SEC14L5: variants seen among roughly 807,000 people sequenced by gnomAD.
SEC14L5 encodes SEC14 like lipid binding 5.
Under a neutral mutation model 84.6 loss-of-function variants are expected in SEC14L5, and 96 were observed. The observed-to-expected ratio is 1.13, with a 90% confidence interval of 0.96 to 1.34. The LOEUF is 1.34. Ranked by LOEUF, SEC14L5 falls within the 40% of genes most tolerant of loss-of-function variation. The pLI, the probability that SEC14L5 is intolerant of heterozygous loss-of-function variation, is 0.00. For missense variants in SEC14L5, 1,224 were observed against 942.5 expected (o/e 1.30, Z -3.91); for synonymous variants, 546 against 383.4 (o/e 1.42, Z -4.95).
At chr16:5,001,183 G>A (rs1302859610) in intron 10 of SEC14L5, among the ~76,000 whole-genome samples, 2 of 152,128 alleles carry the variant, frequency 1.3e-5, no homozygotes, top group East Asian at 3.9e-4. Flanking sequence ...TTGAACCTGG[G>A]GTCCTGTCTG....
chr16:5,012,420 A>G (rs1000111049), intron 15 of SEC14L5, among the ~76,000 whole-genome samples: 3 of 152,158 alleles, frequency 2.0e-5, no homozygotes, highest in Non-Finnish European at 2.9e-5. Context: ...GCCTCATGAG[A>G]AAATCAGTTC....
chr16:5,006,153 G>C, intron 12 of SEC14L5, 105 bp downstream of exon 12: 1 of 1,129,092 alleles, frequency 8.9e-7, no homozygotes, highest in East Asian at 2.4e-5. Context: ...GGGGGGCTGG[G>C]TGCGGCATGT....
intron 5 of SEC14L5, 57 bp from the exon 6 acceptor site, chr16:4,991,781 G>A: frequency 2.3e-6 from 3 of 1,284,140 alleles, no homozygotes; most frequent in Non-Finnish European, 2.1e-6. Context: ...TGGTGATCCT[G>A]TGACCCCCCT....
intron 11 of SEC14L5, among the ~76,000 whole-genome samples, chr16:5,005,030 G>T (rs1287905680): frequency 6.6e-6 from 1 of 152,210 alleles, no homozygotes; most frequent in African/African-American, 2.4e-5. Flanking sequence ...GCAGAATAGG[G>T]CTGGGCGAGG....
intron 12 of SEC14L5, among the ~76,000 whole-genome samples, chr16:5,007,033 C>G (rs572919955): frequency 1.3e-5 from 2 of 152,170 alleles, no homozygotes; most frequent in South Asian, 4.1e-4. Flanking sequence ...CAGTCCGGCA[C>G]CGGGGTAAAG....
At chr16:5,012,975 C>T (rs1596648344) in intron 15 of SEC14L5, among the ~76,000 whole-genome samples, 1 of 151,636 alleles carries the variant, frequency 6.6e-6, no homozygotes, top group Non-Finnish European at 1.5e-5. Flanking sequence ...CACGGTTCTG[C>T]ATGACTGGGG....
At chr16:4,959,240 A>G in intron 1 of SEC14L5, 33 bp from the exon 2 acceptor site, 1 of 1,052,100 alleles carries the variant, frequency 9.5e-7, no homozygotes, top group South Asian at 1.3e-5. Flanking sequence ...CCGAGGTGGG[A>G]GCTGCAACCT....
At chr16:4,970,155 A>G (rs1469487634) in intron 2 of SEC14L5, among the ~76,000 whole-genome samples, 1 of 152,000 alleles carries the variant, frequency 6.6e-6, no homozygotes, top group Non-Finnish European at 1.5e-5. Context: ...TCGAGCCCTC[A>G]GCATAGTCTA....
chr16:4,964,875 T>C (rs1003710854), intron 2 of SEC14L5, among the ~76,000 whole-genome samples: 11 of 151,816 alleles, frequency 7.2e-5, no homozygotes, highest in Non-Finnish European at 1.5e-4. Flanking sequence ...GGATTACAGA[T>C]GGGCACCACC....
intron 2 of SEC14L5, among the ~76,000 whole-genome samples, chr16:4,963,346 A>T (rs1955152493): frequency 6.6e-6 from 1 of 151,904 alleles, no homozygotes; most frequent in African/African-American, 2.4e-5. Context: ...CCTCCTCCCA[A>T]CTATTTTTTT....
intron 11 of SEC14L5, among the ~76,000 whole-genome samples, chr16:5,004,679 C>G (rs749406762): frequency 6.6e-6 from 1 of 152,044 alleles, no homozygotes; most frequent in Non-Finnish European, 1.5e-5. Context: ...GGGCCCTGCA[C>G]GGGGGGATTG....
At chr16:5,004,798 C>G (rs868449554) in intron 11 of SEC14L5, among the ~76,000 whole-genome samples, 2 of 152,240 alleles carry the variant, frequency 1.3e-5, no homozygotes, top group Middle Eastern at 3.2e-3. Context: ...TTCCTTCCTT[C>G]TTTATCAACA....
At chr16:4,977,891 C>G (rs1345211969) in intron 2 of SEC14L5, among the ~76,000 whole-genome samples, 1 of 151,424 alleles carries the variant, frequency 6.6e-6, no homozygotes, top group Non-Finnish European at 1.5e-5. Context: ...ACCTCCTCCT[C>G]TCAGGTTCAA....
intron 15 of SEC14L5, among the ~76,000 whole-genome samples, chr16:5,012,314 A>T (rs1478504836): frequency 6.6e-6 from 1 of 152,080 alleles, no homozygotes; most frequent in Non-Finnish European, 1.5e-5. Context: ...GAGGCCGGGC[A>T]TGTGGAGGCC....
In SEC14L5 at chr16:5,006,035, G is replaced by T. The variant is rs751059395; in HGVS notation, c.1424G>T (p.Gly475Val). The T allele has an allele frequency of 1.2e-6, 2 of 1,613,716 alleles. No homozygotes were observed. The highest frequency in any genetic ancestry group is 1.1e-5 in the South Asian group (1 of 91,064). ...LDREVIPDFL[G>V]GESVCNVPEG... ...AGAGAAGTGATCCCTGACTTCCTTG[G>T]GGGAGAGAGTGTGGTGAGGCTTCCA... Residue 475 changes from glycine to valine, a missense_variant, in exon 12 of 16, where the codon GGG becomes GTG. Gly to Val is a moderately radical substitution (Grantham distance 109). Coordinates refer to ENST00000251170, the MANE Select transcript of SEC14L5 (RefSeq NM_014692.2).
Position 5,008,543 on chromosome 16 carries a change from G to GGGGACCA in SEC14L5, c.1699_1705dup (p.Ala569AspfsTer86), listed in dbSNP as rs1955760804. 6.2e-7 allele frequency: 1 copy of GGGGACCA among 1,609,182 alleles called. No homozygotes were observed. ...CGCCCAGGCTGGGCGCCCGGGAACC[G>GGGGACCA]GGGACCAGGGCCAGCGGGCAGCTGA... On this transcript the variant is annotated frameshift_variant, in exon 14 of 16. Transcript: ENST00000251170. LOFTEE classifies it high-confidence loss of function.
chr16:4,981,254 GGTTTTT>G (rs1955420273), intron 2 of SEC14L5, among the ~76,000 whole-genome samples: 2 of 110,558 alleles, frequency 1.8e-5, no homozygotes, highest in Non-Finnish European at 3.6e-5. Context: ...CTAGCTAATT[GGTTTTT>G]TTTTTTTTTT....
intron 15 of SEC14L5, among the ~76,000 whole-genome samples, chr16:5,012,884 G>C (rs942737479): frequency 2.3e-4 from 33 of 140,784 alleles, no homozygotes; most frequent in African/African-American, 8.4e-4. Flanking sequence ...GACAGAGCGA[G>C]ACTGTCTCAA....
In SEC14L5 at chr16:4,982,933, C is replaced by CA. The variant is rs201594590; in HGVS notation, c.64-4616dup. 2.6e-5 allele frequency among the ~76,000 whole-genome samples: 4 copies of CA among 151,668 alleles called. No individual in the cohort carries two copies. The East Asian group carries it at 7.7e-4, about 29-fold the overall frequency. On this transcript the variant is annotated intron_variant, in intron 2 of 15. Transcript: ENST00000251170. ...TACTGAATATTTACATGAACATATA[C>CA]AAAAAAAATTATGTAATAGATATAT...
Sources: allele counts gnomAD v4.1 joint callset (sites outside exome capture counted in the v4.1 genomes callset), GRCh38; gene constraint gnomAD v4.1.1; transcripts MANE v1.5; gene names NCBI Gene and HGNC (gene_info 2026-07-23, HGNC 2026-07-21).